The following BUB3 variants were observed in gnomAD, a reference collection of about 807,000 sequenced individuals.
BUB3 encodes mitotic checkpoint protein BUB3.
In BUB3, 22 loss-of-function variants were observed where a neutral mutation model predicts 39.9. The ratio of observed to expected loss-of-function variants is 0.55; its 90% CI spans 0.39 to 0.79. The LOEUF (loss-of-function observed/expected upper bound fraction) is 0.79, where lower values mean the gene tolerates loss of function less well. BUB3 is among the 30% of genes least tolerant of loss of function. The pLI, the probability that BUB3 is intolerant of heterozygous loss-of-function variation, is 0.00. For missense variants in BUB3, 303 were observed against 415.4 expected (o/e 0.73, Z 2.35); for synonymous variants, 168 against 155.1 (o/e 1.08, Z -0.62).
intron 1 of BUB3, 37 bp from the exon 2 acceptor site, chr10:123,154,881 G>A: frequency 6.3e-7 from 1 of 1,579,368 alleles, no homozygotes; most frequent in Non-Finnish European, 8.6e-7. Flanking sequence ...GCCCCAGCCC[G>A]CGGGACCCCT....
intron 7 of BUB3, among the ~76,000 whole-genome samples, chr10:123,163,523 T>C (rs951100102): frequency 6.6e-6 from 1 of 152,220 alleles, no homozygotes; most frequent in Non-Finnish European, 1.5e-5. Flanking sequence ...CCCAGGCCCT[T>C]AAAGGAAGTT....
At chr10:123,155,799 G>C in intron 3 of BUB3, 72 bp downstream of exon 3, 2 of 1,423,542 alleles carry the variant, frequency 1.4e-6, no homozygotes, top group South Asian at 2.3e-5. Context: ...TATGTAGGAA[G>C]AGTGGTTCCT....
Position 123,165,253 on chromosome 10 carries a change from C to A in BUB3, c.*1418C>A. On this transcript the variant is annotated 3_prime_UTR_variant, in exon 8 of 8. Coordinates refer to ENST00000368865, the MANE Select transcript of BUB3 (RefSeq NM_004725.4). The stretch of plus-strand genomic sequence containing the variant: ...CTGTACAGTAGTCTGACGTATTTCC[C>A]CTTCTGTCCCCTAGTAAGCCCAGTT... 1 of 541,378 alleles carries A rather than the reference C, an allele frequency of 1.8e-6. No individual in the cohort carries two copies. 33.5% of individuals were successfully genotyped at this position (541,378 alleles called of 1,614,324 possible). A position where few individuals can be genotyped will look rare whatever the true frequency, so the allele number is the denominator to read the frequency against.
In BUB3 at chr10:123,165,228, C is replaced by A; in HGVS notation, c.*1393C>A. The A allele has an allele frequency of 1.4e-6, 1 of 694,020 alleles. No homozygotes were observed. The highest frequency in any genetic ancestry group is 2.4e-6 in the Non-Finnish European group (1 of 422,706). The allele number at this position is 694,020 out of a possible 1,614,324, so 43.0% of individuals were successfully genotyped here. The stretch of plus-strand genomic sequence containing the variant: ...TTTAGGATGAGGAGTCTTTGTGTCC[C>A]TGTACAGTAGTCTGACGTATTTCCC... On this transcript the variant is annotated 3_prime_UTR_variant, in exon 8 of 8. Transcript: ENST00000368865.
Position 123,165,156 on chromosome 10 carries a change from C to CT in BUB3, c.*1322dup. On this transcript the variant is annotated 3_prime_UTR_variant, in exon 8 of 8. Transcript: ENST00000368865. ...TGTGTTAGAGTTACTGTGGATTTCT[C>CT]TGTTTTCTGTCTTACAAGAAACTTG... is the stretch of plus-strand genomic sequence containing the variant. 1 of 1,408,158 alleles carries CT rather than the reference C, an allele frequency of 7.1e-7. No homozygotes were observed. The allele number at this position is 1,408,158 out of a possible 1,614,324, so 87.2% of individuals were successfully genotyped here. A position where few individuals can be genotyped will look rare whatever the true frequency, so the allele number is the denominator to read the frequency against.
chr10:123,166,571 T>C lies in BUB3; in HGVS notation c.*2736T>C, dbSNP rs970884380. The C allele has an allele frequency of 1.4e-4, 22 of 152,202 alleles. No homozygotes were observed. Among genetic ancestry groups the C allele is most frequent in the Admixed American group, 5.2e-4 (8 of 15,282 alleles). The allele number at this position is 152,202 out of a possible 1,614,324, so 9.4% of individuals were successfully genotyped here. On this transcript the variant is annotated 3_prime_UTR_variant, in exon 8 of 8. Transcript: ENST00000368865. ...AACTGCTTGATCAGATTCTAAAAAA[T>C]TTCTAAAAGATTTTTAAAAAATGTA...
chr10:123,155,474 T>C (rs1171445991), intron 2 of BUB3, among the ~76,000 whole-genome samples, 184 bp from the exon 3 acceptor site: 1 of 152,238 alleles, frequency 6.6e-6, no homozygotes, highest in Non-Finnish European at 1.5e-5. Context: ...AGCCCTCCTT[T>C]AATTTCCAGA....
chr10:123,159,906 A>G (rs1345537151), intron 4 of BUB3, among the ~76,000 whole-genome samples: 3 of 152,194 alleles, frequency 2.0e-5, no homozygotes, highest in East Asian at 1.9e-4. Flanking sequence ...ACAACTGGGG[A>G]AAAAAAATCA....
intron 4 of BUB3, among the ~76,000 whole-genome samples, chr10:123,159,905 G>GA (rs1053855336): frequency 5.3e-5 from 8 of 151,678 alleles, no homozygotes; most frequent in Admixed American, 2.0e-4. Flanking sequence ...AACAACTGGG[G>GA]AAAAAAAATC....
intron 4 of BUB3, among the ~76,000 whole-genome samples, chr10:123,159,631 A>G (rs981055395): frequency 2.0e-5 from 3 of 152,224 alleles, no homozygotes; most frequent in Non-Finnish European, 4.4e-5. Context: ...GTTTATTATA[A>G]AGGAATTTTT....
chr10:123,157,740 G>C lies in BUB3; in HGVS notation c.277G>C (p.Gly93Arg). The part of the protein sequence containing the change: ...DLNTDQENLV[G>R]THDAPIRCVE... ...TTTTTTCTCTATAGAAAATCTTGTTGGGACCCATGATGCCCCTATCAGATG... is the reference window on the plus strand; with the variant it reads ...TTTTTTCTCTATAGAAAATCTTGTTCGGACCCATGATGCCCCTATCAGATG... Residue 93 changes from glycine to arginine, a missense_variant, in exon 4 of 8, where the codon GGG becomes CGG. By Grantham distance (125) the Gly-to-Arg change is moderately radical. Coordinates refer to ENST00000368865, the MANE Select transcript of BUB3 (RefSeq NM_004725.4). 6.3e-7 allele frequency: 1 copy of C among 1,588,600 alleles called. No homozygotes were observed. The highest frequency in any genetic ancestry group is 8.6e-7 in the Non-Finnish European group (1 of 1,166,838).
rs1231328108 is a variant in BUB3 at position 123,168,725 on chromosome 10, T to C, written c.*4890T>C. On this transcript the variant is annotated 3_prime_UTR_variant, in exon 8 of 8. Transcript: ENST00000368865. The stretch of plus-strand genomic sequence containing the variant: ...CCATCACGCCCGGCTAATTTTTGTA[T>C]TTCTTTTAGTAGAGACCGGGTTTCA... The C allele has an allele frequency of 1.3e-5, 2 of 152,140 alleles. No individual in the cohort carries two copies. Among genetic ancestry groups the C allele is most frequent in the Admixed American group, 6.5e-5 (1 of 15,278 alleles). 9.4% of individuals were successfully genotyped at this position (152,140 alleles called of 1,614,324 possible). A position where few individuals can be genotyped will look rare whatever the true frequency, so the allele number is the denominator to read the frequency against.
Position 123,164,194 on chromosome 10 carries a change from A to G in BUB3, c.*359A>G. On this transcript the variant is annotated 3_prime_UTR_variant, in exon 8 of 8. Coordinates refer to ENST00000368865, the MANE Select transcript of BUB3 (RefSeq NM_004725.4). ...CCTTTGCATTCTTTCTGGACCTTAAATGGTAGAGGAAAAGGCTCGTGAGCC... is the reference window on the plus strand; with the variant it reads ...CCTTTGCATTCTTTCTGGACCTTAAGTGGTAGAGGAAAAGGCTCGTGAGCC... The G allele has an allele frequency of 1.0e-6, 1 of 1,004,894 alleles. No individual in the cohort carries two copies. The highest frequency in any genetic ancestry group is 1.2e-6 in the Non-Finnish European group (1 of 843,500). The allele number at this position is 1,004,894 out of a possible 1,614,324, so 62.2% of individuals were successfully genotyped here. A position where few individuals can be genotyped will look rare whatever the true frequency, so the allele number is the denominator to read the frequency against.
In BUB3 at chr10:123,164,402, G is replaced by A; in HGVS notation, c.*567G>A. 1 of 985,566 alleles carries A rather than the reference G, an allele frequency of 1.0e-6. No homozygotes were observed. The highest frequency in any genetic ancestry group is 1.2e-6 in the Non-Finnish European group (1 of 830,078). The allele number at this position is 985,566 out of a possible 1,614,324, so 61.1% of individuals were successfully genotyped here. On this transcript the variant is annotated 3_prime_UTR_variant, in exon 8 of 8. Transcript: ENST00000368865. ...GTTAAGGTTAGACTCTTGGGAATCA[G>A]CTAGTTTTCAATCTTATTAGGGTGC...
chr10:123,162,311 A>T lies in BUB3; in HGVS notation c.652A>T (p.Lys218Ter), dbSNP rs1171799465. The change falls in exon 6 of 8, where the codon AAG (lysine) becomes TAG (stop). Residue 218 changes from lysine (K) to a stop codon, truncating the protein, a stop_gained. Coordinates refer to ENST00000368865, the MANE Select transcript of BUB3 (RefSeq NM_004725.4). LOFTEE classifies it high-confidence loss of function. ...CCCAAGCCCTGAGGTACAGAAGAAG[A>T]AGTATGCCTTCAAATGTCACAGACT... ...LDPSPEVQKKKYAFKCHRLKE... is the reference protein window; with the variant it reads ...LDPSPEVQKK 6.2e-7 allele frequency: 1 copy of T among 1,614,160 alleles called. No individual in the cohort carries two copies. The highest frequency in any genetic ancestry group is 8.5e-7 in the Non-Finnish European group (1 of 1,179,996).
At chr10:123,163,756 G>A (rs1489325437) in intron 7 of BUB3, 64 bp from the exon 8 acceptor site, 3 of 1,426,570 alleles carry the variant, frequency 2.1e-6, no homozygotes, top group Non-Finnish European at 2.9e-6. Flanking sequence ...TGTCACTTTT[G>A]TATCTCCTGT....
intron 5 of BUB3, among the ~76,000 whole-genome samples, chr10:123,161,401 C>T (rs6599657): frequency 0.19 from 28,249 of 151,724 alleles, 3,149 homozygotes; most frequent in East Asian, 0.36. Flanking sequence ...AAGTTTCCAT[C>T]GAAGATAAAG....
At position 123,164,762 on chromosome 10, in the gene BUB3, T is replaced by C. The variant is rs1171253501; in HGVS notation, c.*927T>C. The C allele has an allele frequency of 2.6e-6, 3 of 1,153,458 alleles. No individual in the cohort carries two copies. Among genetic ancestry groups the C allele is most frequent in the Non-Finnish European group, 2.1e-6 (2 of 938,096 alleles). The allele number at this position is 1,153,458 out of a possible 1,614,324, so 71.5% of individuals were successfully genotyped here. ...AAAAAGAAAAAAATTATAGTGAGAA[T>C]GAGATTCATTTCAATGTAATGCACT... On this transcript the variant is annotated 3_prime_UTR_variant, in exon 8 of 8. Coordinates refer to ENST00000368865, the MANE Select transcript of BUB3 (RefSeq NM_004725.4).
At position 123,164,819 on chromosome 10, in the gene BUB3, C is replaced by G. The variant is rs1844468584; in HGVS notation, c.*984C>G. The G allele has an allele frequency of 3.0e-6, 4 of 1,333,314 alleles. No homozygotes were observed. Among genetic ancestry groups the G allele is most frequent in the South Asian group, 4.2e-5 (2 of 47,962 alleles). The allele number at this position is 1,333,314 out of a possible 1,614,324, so 82.6% of individuals were successfully genotyped here. The stretch of plus-strand genomic sequence containing the variant: ...GAACACGAACTTAGCTTGGCCTATT[C>G]TAGGTAGTTCCAAATAGTATTTTTG... On this transcript the variant is annotated 3_prime_UTR_variant, in exon 8 of 8. Coordinates refer to ENST00000368865, the MANE Select transcript of BUB3 (RefSeq NM_004725.4).
Sources: allele counts gnomAD v4.1 joint callset (sites outside exome capture counted in the v4.1 genomes callset), GRCh38; gene constraint gnomAD v4.1.1; transcripts MANE v1.5; gene names NCBI Gene and HGNC (gene_info 2026-07-23, HGNC 2026-07-21).